Variants in PDE3B observed in about 807,000 individuals in gnomAD.
PDE3B encodes the protein phosphodiesterase 3B.
In PDE3B, 66 loss-of-function variants were observed where a neutral mutation model predicts 116.8. That is an observed-to-expected ratio of 0.56 (90% CI 0.46 to 0.69). PDE3B has a LOEUF of 0.69. Ranked by LOEUF, PDE3B falls within the 30% of genes least tolerant of loss-of-function variation. The pLI is 0.00. For synonymous variants in PDE3B, 595 were observed against 533.6 expected, an observed-to-expected ratio of 1.12 and a Z score of -1.59; for missense variants, 1,384 against 1,368.1, an observed-to-expected ratio of 1.01 and a Z score of -0.18.
intron 1 of PDE3B, among the ~76,000 whole-genome samples, chr11:14,703,572 G>A (rs554285572): frequency 6.6e-6 from 1 of 151,624 alleles, no homozygotes; most frequent in Admixed American, 6.6e-5. Flanking sequence ...TGGTCTATTT[G>A]CATAAGAGAT....
chr11:14,807,077 G>C (rs1858957200), intron 5 of PDE3B, among the ~76,000 whole-genome samples: 1 of 151,966 alleles, frequency 6.6e-6, no homozygotes, highest in Non-Finnish European at 1.5e-5. Flanking sequence ...TGGACACAGG[G>C]AGGGGAACAT....
At position 14,644,132 on chromosome 11, in the gene PDE3B, G is replaced by A. The variant is rs1180196097; in HGVS notation, c.57G>A (p.Gly19=). ...KAMRSLQPPD[G]AGSPPESLRN... ...TGCGGTCCCTGCAGCCGCCGGATGG[G>A]GCCGGCTCGCCCCCCGAGAGTCTGA... Residue 19 remains glycine, a synonymous_variant, in exon 1 of 16, where the codon GGG becomes GGA. Transcript: ENST00000282096. The A allele has an allele frequency of 1.3e-6, 2 of 1,587,008 alleles. No individual in the cohort carries two copies. The highest frequency in any genetic ancestry group is 1.7e-6 in the Non-Finnish European group (2 of 1,174,866).
chr11:14,728,549 A>G (rs544369776), intron 1 of PDE3B, among the ~76,000 whole-genome samples: 1 of 152,246 alleles, frequency 6.6e-6, no homozygotes, highest in South Asian at 2.1e-4. Flanking sequence ...TCGAGGTATT[A>G]TAATTTCCCT....
intron 14 of PDE3B, among the ~76,000 whole-genome samples, chr11:14,866,665 A>C (rs1848053535): frequency 6.6e-6 from 1 of 152,212 alleles, no homozygotes; most frequent in South Asian, 2.1e-4. Flanking sequence ...ATTACAGAAC[A>C]GACACTCCTT....
chr11:14,695,309 C>G (rs1855170731), intron 1 of PDE3B, among the ~76,000 whole-genome samples: 1 of 151,984 alleles, frequency 6.6e-6, no homozygotes, highest in Non-Finnish European at 1.5e-5. Flanking sequence ...GTGTAGTGTT[C>G]CATAGTTTGA....
the PDE3B span, chr11:14,891,667 C>A: frequency 8.5e-7 from 1 of 1,170,034 alleles, no homozygotes; most frequent in Non-Finnish European, 1.1e-6. Flanking sequence ...AGTGGCGGCG[C>A]GGCTGGCGAG....
intron 1 of PDE3B, among the ~76,000 whole-genome samples, chr11:14,758,872 T>G (rs1264278722): frequency 8.6e-5 from 13 of 151,868 alleles, no homozygotes; most frequent in Non-Finnish European, 1.5e-5. Context: ...GCTTCCAGTT[T>G]TTGCCCATTC....
chr11:14,772,780 C>G (rs896314102), intron 2 of PDE3B: 1 of 151,820 alleles, frequency 6.6e-6, no homozygotes, highest in Non-Finnish European at 1.5e-5. Context: ...CATAAAACAT[C>G]AAGCAATAAC....
intron 1 of PDE3B, among the ~76,000 whole-genome samples, chr11:14,715,605 G>T (rs1855854784): frequency 1.3e-5 from 2 of 152,190 alleles, no homozygotes; most frequent in Non-Finnish European, 2.9e-5. Context: ...TTTGCACATT[G>T]ATTTTGTATC....
At chr11:14,713,725 C>CAG (rs1254690548) in intron 1 of PDE3B, among the ~76,000 whole-genome samples, 1 of 151,522 alleles carries the variant, frequency 6.6e-6, no homozygotes, top group Non-Finnish European at 1.5e-5. Context: ...CACACACACA[C>CAG]ACTCACACAC....
chr11:14,784,760 A>T (rs1565135986), intron 2 of PDE3B, among the ~76,000 whole-genome samples: 1 of 151,434 alleles, frequency 6.6e-6, no homozygotes, highest in African/African-American at 2.4e-5. Context: ...TATGAAAATG[A>T]TTTTTTTTTA....
the PDE3B span, chr11:14,891,780 G>C: frequency 7.2e-7 from 1 of 1,397,728 alleles, no homozygotes; most frequent in Non-Finnish European, 9.3e-7. Flanking sequence ...GGCAGGGGCG[G>C]GGCTCCCCCT....
the PDE3B span, among the ~76,000 whole-genome samples, chr11:14,899,150 G>T: frequency 6.6e-6 from 1 of 152,008 alleles, no homozygotes; most frequent in South Asian, 2.1e-4. Flanking sequence ...CTGGATCAAT[G>T]ATTACCTCAT....
intron 11 of PDE3B, 60 bp from the exon 12 acceptor site, chr11:14,843,767 C>A: frequency 1.5e-6 from 2 of 1,351,840 alleles, no homozygotes; most frequent in Non-Finnish European, 2.1e-6. Context: ...CCCTCCATAG[C>A]AAAATTGTGA....
chr11:14,849,213 C>T (rs1847683809), intron 12 of PDE3B, among the ~76,000 whole-genome samples: 1 of 152,160 alleles, frequency 6.6e-6, no homozygotes, highest in African/African-American at 2.4e-5. Flanking sequence ...CTTTGACAAA[C>T]CTGAGAAAAA....
intron 4 of PDE3B, among the ~76,000 whole-genome samples, chr11:14,797,917 CTTAT>C (rs1344219955): frequency 6.6e-6 from 1 of 152,046 alleles, no homozygotes; most frequent in African/African-American, 2.4e-5. Context: ...TTGAATACCG[CTTAT>C]TTCTTTCTCT....
the PDE3B span, among the ~76,000 whole-genome samples, chr11:14,889,477 G>C: frequency 9.2e-5 from 14 of 152,180 alleles, no homozygotes; most frequent in African/African-American, 3.1e-4. Flanking sequence ...AAGGCATAGT[G>C]AGGCAAACAA....
the PDE3B span, chr11:14,887,440 T>G: frequency 3.7e-6 from 1 of 272,094 alleles, no homozygotes. Context: ...TGTATACAGT[T>G]TTCAAGGACT....
chr11:14,643,920 C>G lies in PDE3B; in HGVS notation c.-156C>G, dbSNP rs1261643122. ...CCGGACTCCGCCGCTCCTCAGTCCG[C>G]GCGGTGGGGACCCCGGGCCGTGGCG... On this transcript the variant is annotated 5_prime_UTR_variant, in exon 1 of 16. Transcript: ENST00000282096. The G allele has an allele frequency of 8.8e-7, 1 of 1,140,770 alleles. No homozygotes were observed. The highest frequency in any genetic ancestry group is 3.1e-5 in the East Asian group (1 of 31,816). 70.7% of individuals were successfully genotyped at this position (1,140,770 alleles called of 1,614,324 possible).
Sources: gnomAD v4.1 joint callset for allele counts (sites outside exome capture counted in the v4.1 genomes callset) on GRCh38, gnomAD v4.1.1 for gene constraint, MANE v1.5 for transcripts, NCBI Gene and HGNC (gene_info 2026-07-23, HGNC 2026-07-21) for gene names.